Variants in OSCP1 observed in about 807,000 individuals in gnomAD.
OSCP1 encodes organic solute carrier partner 1.
OSCP1 carries 35 observed loss-of-function variants against 45.1 expected under a neutral mutation model. The ratio of observed to expected loss-of-function variants is 0.78; its 90% CI spans 0.59 to 1.03. The LOEUF (loss-of-function observed/expected upper bound fraction) is 1.03, where lower values mean the gene tolerates loss of function less well. OSCP1 is among the 50% of genes least tolerant of loss of function. The pLI is 0.00. For synonymous variants in OSCP1, 179 were observed against 180.1 expected (o/e 0.99, Z 0.05); for missense variants, 400 against 470.7 (o/e 0.85, Z 1.39).
intron 2 of OSCP1, among the ~76,000 whole-genome samples, chr1:36,435,430 A>T (rs1306485201): frequency 6.6e-6 from 1 of 151,922 alleles, no homozygotes; most frequent in Non-Finnish European, 1.5e-5. Flanking sequence ...TACAGGTGTG[A>T]GCTACTGTGC....
chr1:36,423,241 A>T, intron 5 of OSCP1, 122 bp downstream of exon 5: 2 of 873,092 alleles, frequency 2.3e-6, no homozygotes, highest in Non-Finnish European at 1.9e-6. Flanking sequence ...TAGCTGTTTT[A>T]CTGAAGAAAG....
chr1:36,422,893 C>T lies in OSCP1; in HGVS notation c.624G>A (p.Met208Ile). 2.5e-6 allele frequency: 4 copies of T among 1,601,922 alleles called. No individual in the cohort carries two copies. Among genetic ancestry groups the T allele is most frequent in the Non-Finnish European group, 3.4e-6 (4 of 1,173,704 alleles). Residue 208 changes from methionine to isoleucine, a missense_variant, in exon 6 of 10, where the codon ATG (methionine) becomes ATA (isoleucine). By Grantham distance (10) the Met-to-Ile change is conservative (BLOSUM62 1). Coordinates refer to ENST00000235532, the MANE Select transcript of OSCP1 (RefSeq NM_145047.5). ...TCACTTCTTCACCTTTGTTGTTGAA[C>T]ATTCTACAATACAAAGTATGACATG... Reference protein sequence around the residue: ...WGTEVPGLIRMFNNKGEEVKR... With the variant: ...WGTEVPGLIRIFNNKGEEVKR...
chr1:36,450,163 G>A (rs1438085100), intron 1 of OSCP1, 95 bp downstream of exon 1: 4 of 970,424 alleles, frequency 4.1e-6, no homozygotes, highest in Non-Finnish European at 6.6e-6. Context: ...AGTGAAGTGT[G>A]TAGGGGTGCG....
At chr1:36,440,982 G>C (rs140963516) in intron 1 of OSCP1, 5 of 152,356 alleles carry the variant, frequency 3.3e-5, no homozygotes, top group African/African-American at 1.2e-4. Flanking sequence ...CTTACACCCA[G>C]ATAAATCAGT....
intron 7 of OSCP1, among the ~76,000 whole-genome samples, chr1:36,421,585 G>A (rs1647617835): frequency 1.3e-5 from 2 of 152,172 alleles, no homozygotes; most frequent in African/African-American, 4.8e-5. Context: ...GGGTACCACA[G>A]GCCCCTTCAA....
intron 6 of OSCP1, among the ~76,000 whole-genome samples, 192 bp downstream of exon 6, chr1:36,422,576 A>G (rs1318246966): frequency 6.6e-6 from 1 of 152,088 alleles, no homozygotes; most frequent in Non-Finnish European, 1.5e-5. Flanking sequence ...CATTCTGTTG[A>G]GTTGCCTTAT....
At chr1:36,443,853 TA>T in intron 1 of OSCP1, 1 of 827,224 alleles carries the variant, frequency 1.2e-6, no homozygotes, top group Non-Finnish European at 2.0e-6. Flanking sequence ...TTCAAATGTA[TA>T]ACCAATATCT....
chr1:36,443,358 C>T (rs1166740091), intron 1 of OSCP1, among the ~76,000 whole-genome samples: 2 of 152,192 alleles, frequency 1.3e-5, no homozygotes, highest in Non-Finnish European at 2.9e-5. Flanking sequence ...GCACACACCA[C>T]ACCCAAATGT....
At chr1:36,422,972 T>A (rs1245594369) in intron 5 of OSCP1, 76 bp from the exon 6 acceptor site, 1 of 1,308,112 alleles carries the variant, frequency 7.6e-7, no homozygotes. Context: ...TTCTTTGTAC[T>A]ACAGAACAAA....
At chr1:36,440,056 G>A (rs748098496) in intron 1 of OSCP1, among the ~76,000 whole-genome samples, 9 of 152,090 alleles carry the variant, frequency 5.9e-5, no homozygotes, top group Non-Finnish European at 1.2e-4. Flanking sequence ...AAGAAAACTG[G>A]GTTACTTAAA....
chr1:36,440,432 A>T (rs1230017157), intron 1 of OSCP1, among the ~76,000 whole-genome samples: 1 of 152,236 alleles, frequency 6.6e-6, no homozygotes, highest in Non-Finnish European at 1.5e-5. Flanking sequence ...CTGTGGCTCC[A>T]TACAGAAATG....
chr1:36,422,048 T>A (rs1647648157), intron 7 of OSCP1, 102 bp downstream of exon 7: 9 of 1,114,612 alleles, frequency 8.1e-6, no homozygotes, highest in South Asian at 3.7e-5. Context: ...ACAGGGGAAA[T>A]GTTGGCTAGA....
At chr1:36,441,527 T>C (rs1312222145) in intron 1 of OSCP1, among the ~76,000 whole-genome samples, 2 of 151,382 alleles carry the variant, frequency 1.3e-5, no homozygotes, top group Non-Finnish European at 2.9e-5. Flanking sequence ...GGCGGGCGGA[T>C]CACGAAGTCA....
chr1:36,433,151 C>T (rs1056366224), intron 2 of OSCP1, among the ~76,000 whole-genome samples: 1 of 152,198 alleles, frequency 6.6e-6, no homozygotes, highest in African/African-American at 2.4e-5. Context: ...TGGATATCAA[C>T]AAGCCATCTC....
Position 36,440,385 on chromosome 1 carries a change from C to G in OSCP1, c.113-1475G>C, listed in dbSNP as rs143314137. On this transcript the variant is annotated intron_variant, in intron 1 of 9. Coordinates refer to ENST00000235532, the MANE Select transcript of OSCP1 (RefSeq NM_145047.5). ...AGAGAGAGGGGAGAGGGGATACATC[C>G]CCAACACACACACCCCCGGTGACAC... Among the ~76,000 whole-genome samples the G allele has an allele frequency of 1.2e-3, 181 of 152,274 alleles. 4 individuals are homozygous for G. In the East Asian group the frequency reaches 0.033, roughly 28 times the overall value.
chr1:36,439,515 T>TA (rs1358797356), intron 1 of OSCP1, among the ~76,000 whole-genome samples: 2 of 151,910 alleles, frequency 1.3e-5, no homozygotes, highest in Non-Finnish European at 2.9e-5. Flanking sequence ...AAAAATAAAA[T>TA]AAAATAAAAA....
intron 1 of OSCP1, chr1:36,444,148 G>T: frequency 7.9e-7 from 1 of 1,264,284 alleles, no homozygotes; most frequent in Non-Finnish European, 1.1e-6. Context: ...TACTTTTCAC[G>T]TTGGCATTTA....
intron 2 of OSCP1, among the ~76,000 whole-genome samples, chr1:36,438,428 C>T (rs908032064): frequency 2.0e-5 from 3 of 151,676 alleles, no homozygotes; most frequent in South Asian, 2.1e-4. Context: ...AGATCAAGGC[C>T]GCAGTGAGCT....
At position 36,432,503 on chromosome 1, in the gene OSCP1, G is replaced by A. The variant is rs776659379; in HGVS notation, c.354C>T (p.His118=). 3 of 1,614,148 alleles carry A rather than the reference G, an allele frequency of 1.9e-6. No individual in the cohort carries two copies. Among genetic ancestry groups the A allele is most frequent in the Admixed American group, 1.7e-5 (1 of 60,014 alleles). Reference sequence around the variant, plus strand: ...GGATGAATCCCTTGATGGTATCCAAGTGATTGAAAGTGACCAGCAGCACAT... The same window carrying A: ...GGATGAATCCCTTGATGGTATCCAAATGATTGAAAGTGACCAGCAGCACAT... ...PKDVLLVTFN[H]LDTIKGFIRD... The change falls in exon 3 of 10, where the codon CAC becomes CAT. Residue 118 remains histidine (H), a synonymous_variant. Coordinates refer to ENST00000235532, the MANE Select transcript of OSCP1 (RefSeq NM_145047.5).
Sources: gnomAD v4.1 joint callset for allele counts (sites outside exome capture counted in the v4.1 genomes callset) on GRCh38, gnomAD v4.1.1 for gene constraint, MANE v1.5 for transcripts, NCBI Gene and HGNC (gene_info 2026-07-23, HGNC 2026-07-21) for gene names.